SLC4A10: variants seen among roughly 807,000 people sequenced by gnomAD.
SLC4A10 encodes the protein sodium-driven chloride bicarbonate exchanger.
A neutral mutation model predicts 137.7 loss-of-function variants in SLC4A10; 42 were observed. That is an observed-to-expected ratio of 0.30 (90% CI 0.24 to 0.39). The LOEUF (loss-of-function observed/expected upper bound fraction) is 0.39, where lower values mean the gene tolerates loss of function less well. Among genes scored for constraint, SLC4A10 ranks in the 10% least tolerant of loss-of-function variants. The pLI is 1.00. For missense variants in SLC4A10, 925 were observed against 1,355.0 expected (o/e 0.68, Z 4.98); for synonymous variants, 474 against 464.1 (o/e 1.02, Z -0.27).
chr2:161,931,510 T>C (rs190924814), intron 15 of SLC4A10: 1 of 152,334 alleles, frequency 6.6e-6, no homozygotes, highest in East Asian at 1.9e-4. Flanking sequence ...CCAGCCTTTT[T>C]TTATTTATTT....
intron 3 of SLC4A10, among the ~76,000 whole-genome samples, chr2:161,814,096 C>T (rs1017692414): frequency 8.6e-5 from 13 of 151,954 alleles, no homozygotes; most frequent in African/African-American, 3.1e-4. Flanking sequence ...CAAAAATCAA[C>T]GTGATTAAAA....
chr2:161,888,899 C>G (rs762571101), intron 10 of SLC4A10, among the ~76,000 whole-genome samples: 1 of 152,110 alleles, frequency 6.6e-6, no homozygotes, highest in African/African-American at 2.4e-5. Flanking sequence ...TTTGCCTATT[C>G]AGTATGATAT....
At position 161,983,767 on chromosome 2, in the gene SLC4A10, A is replaced by G. The variant is rs1414545487; in HGVS notation, c.*615A>G. On this transcript the variant is annotated 3_prime_UTR_variant, in exon 27 of 27. Coordinates refer to ENST00000446997, the MANE Select transcript of SLC4A10 (RefSeq NM_001178015.2). ...TAATATGATAAATTTAATACTTAACAATTTATATGTAACTAAAACTTAAAG... is the reference window on the plus strand; with the variant it reads ...TAATATGATAAATTTAATACTTAACGATTTATATGTAACTAAAACTTAAAG... The G allele has an allele frequency of 6.6e-6, 1 of 152,310 alleles. No individual in the cohort carries two copies. Among genetic ancestry groups the G allele is most frequent in the Non-Finnish European group, 1.5e-5 (1 of 68,098 alleles). 9.4% of individuals were successfully genotyped at this position (152,310 alleles called of 1,614,324 possible).
chr2:161,857,407 T>TA (rs2060165454), intron 5 of SLC4A10, among the ~76,000 whole-genome samples: 1 of 151,994 alleles, frequency 6.6e-6, no homozygotes, highest in South Asian at 2.1e-4. Context: ...GAACAGCCTG[T>TA]AAAATGACAT....
intron 3 of SLC4A10, among the ~76,000 whole-genome samples, chr2:161,818,292 G>T (rs543073762): frequency 1.3e-5 from 2 of 152,160 alleles, no homozygotes; most frequent in Admixed American, 1.3e-4. Flanking sequence ...GTCTGTTATT[G>T]GTGTATAAGA....
intron 10 of SLC4A10, among the ~76,000 whole-genome samples, chr2:161,893,767 T>C (rs533914152): frequency 6.5e-4 from 98 of 151,732 alleles, no homozygotes; most frequent in Non-Finnish European, 1.2e-3. Context: ...ATAAAAATAA[T>C]ATGCATAAAA....
At chr2:161,678,077 T>G (rs2040457410) in intron 1 of SLC4A10, among the ~76,000 whole-genome samples, 1 of 152,182 alleles carries the variant, frequency 6.6e-6, no homozygotes, top group South Asian at 2.1e-4. Context: ...TTTTTCACTG[T>G]GCATTTTAAA....
intron 1 of SLC4A10, among the ~76,000 whole-genome samples, chr2:161,694,560 A>T (rs1036727023): frequency 1.3e-5 from 2 of 152,068 alleles, no homozygotes; most frequent in Admixed American, 1.3e-4. Context: ...GTAACAGGAA[A>T]AAAAACACCT....
chr2:161,828,376 G>GT (rs1449090880), intron 3 of SLC4A10, among the ~76,000 whole-genome samples: 5 of 151,630 alleles, frequency 3.3e-5, no homozygotes, highest in Admixed American at 1.3e-4. Flanking sequence ...CTAAATTACT[G>GT]TTTTTTTCTT....
intron 10 of SLC4A10, among the ~76,000 whole-genome samples, chr2:161,888,609 G>A (rs1327309664): frequency 1.3e-5 from 2 of 152,106 alleles, no homozygotes; most frequent in African/African-American, 4.8e-5. Context: ...TTGGTGTATA[G>A]GAATGCTTGT....
intron 15 of SLC4A10, among the ~76,000 whole-genome samples, chr2:161,913,507 T>G (rs571372038): frequency 1.3e-5 from 2 of 152,326 alleles, no homozygotes; most frequent in South Asian, 4.1e-4. Flanking sequence ...AATTTCAGTT[T>G]CTAAAACATC....
At chr2:161,683,538 T>A (rs1428942294) in intron 1 of SLC4A10, among the ~76,000 whole-genome samples, 1 of 152,146 alleles carries the variant, frequency 6.6e-6, no homozygotes, top group Non-Finnish European at 1.5e-5. Flanking sequence ...TTATTAGCAT[T>A]CCTTGAAGTT....
At chr2:161,626,793 GT>G (rs2032476089) in intron 1 of SLC4A10, among the ~76,000 whole-genome samples, 1 of 152,038 alleles carries the variant, frequency 6.6e-6, no homozygotes, top group African/African-American at 2.4e-5. Flanking sequence ...TTCAGAAATT[GT>G]TTTAAAAATT....
Position 161,658,856 on chromosome 2 carries a change from G to A in SLC4A10, c.48+34290G>A, listed in dbSNP as rs574060707. ...TCTGCCTGCCTCAGCCTCCTAAAGC[G>A]CCAGGATTACAGGCATGAGCCACCG... On this transcript the variant is annotated intron_variant, in intron 1 of 26. Coordinates refer to ENST00000446997, the MANE Select transcript of SLC4A10 (RefSeq NM_001178015.2). Among the ~76,000 whole-genome samples the A allele has an allele frequency of 8.5e-5, 13 of 152,078 alleles. No homozygotes were observed. The East Asian group carries it at 1.2e-3, about 14-fold the overall frequency.
At chr2:161,640,180 T>G (rs1479105090) in intron 1 of SLC4A10, among the ~76,000 whole-genome samples, 1 of 152,138 alleles carries the variant, frequency 6.6e-6, no homozygotes, top group African/African-American at 2.4e-5. Flanking sequence ...ATCCAGTACT[T>G]TGTTGCTCAG....
chr2:161,715,302 A>C (rs1031527180), intron 1 of SLC4A10, among the ~76,000 whole-genome samples: 3 of 152,010 alleles, frequency 2.0e-5, no homozygotes, highest in African/African-American at 7.2e-5. Flanking sequence ...CATGAAGGTA[A>C]ACTGAAACTA....
rs144884317 is a variant in SLC4A10 at position 161,677,628 on chromosome 2, A to G, written c.48+53062A>G. Among the ~76,000 whole-genome samples, 250 of 152,254 alleles carry G rather than the reference A, an allele frequency of 1.6e-3. 2 individuals carry two copies. Among genetic ancestry groups the G allele is most frequent in the African/African-American group, 5.8e-3 (241 of 41,570 alleles). On this transcript the variant is annotated intron_variant, in intron 1 of 26. Transcript: ENST00000446997. Reference sequence around the variant, plus strand: ...TGTAAATTTTTGGACAAGTAGTGGGAGGTAGCATTTATCAAGCACTTATTA... The same window carrying G: ...TGTAAATTTTTGGACAAGTAGTGGGGGGTAGCATTTATCAAGCACTTATTA...
In SLC4A10 at chr2:161,745,565, G is replaced by A. The variant is rs1438772070; in HGVS notation, c.49-25408G>A. ...TCTGTCACTCTGGAATTGGTCACTG[G>A]TGCCTTCTTTTGTTCTCTTGGTAAG... On this transcript the variant is annotated intron_variant, in intron 1 of 26. Coordinates refer to ENST00000446997, the MANE Select transcript of SLC4A10 (RefSeq NM_001178015.2). 2.6e-5 allele frequency among the ~76,000 whole-genome samples: 4 copies of A among 152,070 alleles called. No individual in the cohort carries two copies. The East Asian group carries it at 7.8e-4, about 30-fold the overall frequency.
intron 1 of SLC4A10, among the ~76,000 whole-genome samples, chr2:161,741,252 G>C (rs1475554440): frequency 2.9e-5 from 2 of 67,828 alleles, no homozygotes; most frequent in African/African-American, 6.0e-5. Context: ...TACAGAGAAA[G>C]ACTCTCAAAA....
Sources: gnomAD v4.1 joint callset for allele counts (sites outside exome capture counted in the v4.1 genomes callset) on GRCh38, gnomAD v4.1.1 for gene constraint, MANE v1.5 for transcripts, NCBI Gene and HGNC (gene_info 2026-07-23, HGNC 2026-07-21) for gene names.